Variants in ACBD3 observed in about 807,000 individuals in gnomAD.
The protein encoded by ACBD3 is acyl-CoA binding domain containing 3.
ACBD3 carries 30 observed loss-of-function variants against 66.9 expected under a neutral mutation model. The observed-to-expected ratio is 0.45, with a 90% CI of 0.34 to 0.61. The LOEUF (loss-of-function observed/expected upper bound fraction) is 0.61, where lower values mean the gene tolerates loss of function less well. Among genes scored for constraint, ACBD3 ranks in the 20% least tolerant of loss-of-function variants. ACBD3 has a pLI of 0.02. For missense variants in ACBD3, 544 were observed against 664.5 expected (o/e 0.82, Z 1.99); for synonymous variants, 278 against 259.8 (o/e 1.07, Z -0.68).
intron 1 of ACBD3, among the ~76,000 whole-genome samples, chr1:226,175,872 A>G (rs1228658006): frequency 6.6e-6 from 1 of 152,238 alleles, no homozygotes; most frequent in Non-Finnish European, 1.5e-5. Flanking sequence ...AAACTCATGC[A>G]CAATTTCAGT....
At chr1:226,151,997 ACT>A (rs1312878079) in intron 7 of ACBD3, among the ~76,000 whole-genome samples, 1 of 150,778 alleles carries the variant, frequency 6.6e-6, no homozygotes, top group East Asian at 2.0e-4. Context: ...ACAGAGTGAG[ACT>A]CTGTCTCAAA....
intron 1 of ACBD3, among the ~76,000 whole-genome samples, chr1:226,185,688 G>A (rs1484412581): frequency 6.6e-6 from 1 of 151,154 alleles, no homozygotes; most frequent in Non-Finnish European, 1.5e-5. Context: ...TTAATTATGC[G>A]AAAAGCACAG....
chr1:226,186,367 G>A (rs1433293034), intron 1 of ACBD3, 23 bp downstream of exon 1: 6 of 1,492,454 alleles, frequency 4.0e-6, no homozygotes, highest in African/African-American at 1.5e-5. Context: ...AGAAGCGGCG[G>A]GGGTGGGGCT....
chr1:226,156,042 T>C (rs1659664536), intron 5 of ACBD3, among the ~76,000 whole-genome samples: 1 of 152,212 alleles, frequency 6.6e-6, no homozygotes, highest in South Asian at 2.1e-4. Context: ...TAAATTGAAT[T>C]ACAACATACA....
rs987270827 is a variant in ACBD3 at position 226,173,992 on chromosome 1, G to A, written c.287-7992C>T. Among the ~76,000 whole-genome samples the A allele has an allele frequency of 9.2e-5, 14 of 151,938 alleles. No individual in the cohort carries two copies. In the East Asian group the frequency reaches 2.5e-3, roughly 27 times the overall value. On this transcript the variant is annotated intron_variant, in intron 1 of 7. Coordinates refer to ENST00000366812, the MANE Select transcript of ACBD3 (RefSeq NM_022735.4). ...TGACCGGGCTAGTCTCAAAACTCCTGACATCAGGTAATCCGCCTGCCTCAG... is the reference window on the plus strand; with the variant it reads ...TGACCGGGCTAGTCTCAAAACTCCTAACATCAGGTAATCCGCCTGCCTCAG...
chr1:226,156,315 T>G (rs968987371), intron 5 of ACBD3, among the ~76,000 whole-genome samples: 5 of 152,254 alleles, frequency 3.3e-5, no homozygotes, highest in Admixed American at 6.5e-5. Flanking sequence ...TCAACATTAC[T>G]TTTATAAGCT....
chr1:226,170,092 C>A (rs72759069), intron 1 of ACBD3, among the ~76,000 whole-genome samples: 19,541 of 146,012 alleles, frequency 0.13, 1,567 homozygotes, highest in Middle Eastern at 0.22. Context: ...CATATGCTGC[C>A]AATGATTCAA....
chr1:226,157,022 A>G (rs1174890990), intron 5 of ACBD3, among the ~76,000 whole-genome samples: 5 of 152,130 alleles, frequency 3.3e-5, no homozygotes, highest in African/African-American at 1.2e-4. Context: ...AGGAAGTTTA[A>G]AAAAGCACAG....
At chr1:226,165,036 T>G in intron 2 of ACBD3, 107 bp from the exon 3 acceptor site, 1 of 1,229,132 alleles carries the variant, frequency 8.1e-7, no homozygotes, top group Non-Finnish European at 1.1e-6. Flanking sequence ...AATGAATGAT[T>G]CTATTGGGAG....
chr1:226,183,341 AATTTTTTT>A (rs1385582762), intron 1 of ACBD3, among the ~76,000 whole-genome samples: 2 of 151,956 alleles, frequency 1.3e-5, no homozygotes, highest in Non-Finnish European at 2.9e-5. Context: ...ACGCCCAGCT[AATTTTTTT>A]ATTTTTTTAT....
chr1:226,157,695 A>G (rs542791130), intron 5 of ACBD3, among the ~76,000 whole-genome samples: 274 of 152,022 alleles, frequency 1.8e-3, no homozygotes, highest in Admixed American at 3.9e-3. Flanking sequence ...GTGCACCACC[A>G]TGCCCAGCTA....
At chr1:226,151,633 A>G (rs1659573972) in intron 7 of ACBD3, among the ~76,000 whole-genome samples, 1 of 152,200 alleles carries the variant, frequency 6.6e-6, no homozygotes, top group African/African-American at 2.4e-5. Flanking sequence ...TTTTAGAATA[A>G]TGACCTAAAA....
intron 6 of ACBD3, among the ~76,000 whole-genome samples, chr1:226,154,225 G>T (rs934599594): frequency 2.0e-5 from 3 of 147,650 alleles, no homozygotes; most frequent in African/African-American, 5.0e-5. Context: ...ATTTTTGTTT[G>T]TTTTTTTTTT....
In ACBD3 at chr1:226,186,405, G is replaced by A. The variant is rs1656309489; in HGVS notation, c.271C>T (p.Leu91=). The A allele has an allele frequency of 2.0e-6, 3 of 1,522,592 alleles. No homozygotes were observed. Among genetic ancestry groups the A allele is most frequent in the South Asian group, 2.4e-5 (2 of 82,458 alleles). 94.3% of individuals were successfully genotyped at this position (1,522,592 alleles called of 1,614,324 possible). A position where few individuals can be genotyped will look rare whatever the true frequency, so the allele number is the denominator to read the frequency against. ...FGLEELYGLA[L]RFFKEKDGKA... ...CCCGGCTCACCTTTGAAGAAGCGCAGTGCCAGGCCGTACAACTCCTCCAGG... is the reference window on the plus strand; with the variant it reads ...CCCGGCTCACCTTTGAAGAAGCGCAATGCCAGGCCGTACAACTCCTCCAGG... The change falls in exon 1 of 8, where the codon CTG becomes TTG. Residue 91 remains leucine (L), a synonymous_variant. Transcript: ENST00000366812.
intron 7 of ACBD3, among the ~76,000 whole-genome samples, chr1:226,147,753 AAG>A (rs1268498544): frequency 9.2e-5 from 14 of 152,190 alleles, no homozygotes; most frequent in Admixed American, 5.9e-4. Flanking sequence ...TGCCCCGGTT[AAG>A]AGTTTTTTGA....
intron 7 of ACBD3, 95 bp from the exon 8 acceptor site, chr1:226,146,916 G>C (rs1338257365): frequency 2.4e-6 from 3 of 1,253,616 alleles, no homozygotes; most frequent in African/African-American, 1.5e-5. Flanking sequence ...TCTGGAGACA[G>C]AGTCTTGCTC....
intron 7 of ACBD3, among the ~76,000 whole-genome samples, chr1:226,150,227 TA>T (rs1157717890): frequency 3.3e-5 from 5 of 150,862 alleles, no homozygotes; most frequent in Non-Finnish European, 5.9e-5. Flanking sequence ...CCCACCTAAC[TA>T]AAAAAAAATT....
At chr1:226,172,400 T>C (rs1027503429) in intron 1 of ACBD3, among the ~76,000 whole-genome samples, 2 of 152,102 alleles carry the variant, frequency 1.3e-5, no homozygotes, top group Admixed American at 6.6e-5. Context: ...TTTATGCACG[T>C]ACTAGTTTTA....
intron 3 of ACBD3, among the ~76,000 whole-genome samples, chr1:226,163,284 T>C (rs1161689399): frequency 6.6e-6 from 1 of 152,188 alleles, no homozygotes; most frequent in African/African-American, 2.4e-5. Flanking sequence ...CAGCTCTATA[T>C]GTTGAGTAGT....
Sources: gnomAD v4.1 joint callset for allele counts (sites outside exome capture counted in the v4.1 genomes callset) on GRCh38, gnomAD v4.1.1 for gene constraint, MANE v1.5 for transcripts, NCBI Gene and HGNC (gene_info 2026-07-23, HGNC 2026-07-21) for gene names.